CHD9: variants seen among roughly 807,000 people sequenced by gnomAD.
The protein encoded by CHD9 is ATP-dependent chromatin remodeler CHD9.
Under a neutral mutation model 316.1 loss-of-function variants are expected in CHD9, and 77 were observed. The ratio of observed to expected loss-of-function variants is 0.24; its 90% CI spans 0.20 to 0.29. The LOEUF (loss-of-function observed/expected upper bound fraction) is 0.29. Ranked by LOEUF, CHD9 falls within the 10% of genes least tolerant of loss-of-function variation. The pLI is 1.00. For missense variants in CHD9, 2,763 were observed against 3,438.1 expected (o/e 0.80, Z 4.91); for synonymous variants, 1,129 against 1,158.3 (o/e 0.97, Z 0.51).
intron 2 of CHD9, among the ~76,000 whole-genome samples, chr16:53,166,701 G>A (rs954563703): frequency 1.3e-5 from 2 of 152,130 alleles, no homozygotes; most frequent in Middle Eastern, 3.2e-3. Context: ...ATACAATATG[G>A]TGTGGATATA....
At chr16:53,234,824 AC>A (rs2048486143) in intron 10 of CHD9, among the ~76,000 whole-genome samples, 1 of 150,826 alleles carries the variant, frequency 6.6e-6, no homozygotes, top group South Asian at 2.1e-4. Context: ...AAAAAAAAAA[AC>A]AAAACCTACT....
In CHD9 at chr16:53,125,370, C is replaced by T. The variant is rs928500083; in HGVS notation, c.-164-30556C>T. Among the ~76,000 whole-genome samples the T allele has an allele frequency of 5.9e-5, 9 of 151,896 alleles. No homozygotes were observed. In the East Asian group the frequency reaches 9.7e-4, roughly 16 times the overall value. ...TCCCGAGTAGCTGGGATTATAGGCACGTGCCAACATGCCTGGCTATTTTTT... is the reference window on the plus strand; with the variant it reads ...TCCCGAGTAGCTGGGATTATAGGCATGTGCCAACATGCCTGGCTATTTTTT... On this transcript the variant is annotated intron_variant, in intron 1 of 38. Transcript: ENST00000447540.
chr16:53,096,156 C>G (rs1334445891), intron 1 of CHD9, among the ~76,000 whole-genome samples: 1 of 151,434 alleles, frequency 6.6e-6, no homozygotes, highest in Non-Finnish European at 1.5e-5. Context: ...TTCCTGGGCT[C>G]AAGCGATCCT....
At chr16:53,061,532 C>T (rs764769109) in intron 1 of CHD9, among the ~76,000 whole-genome samples, 1 of 151,932 alleles carries the variant, frequency 6.6e-6, no homozygotes, top group Non-Finnish European at 1.5e-5. Context: ...TGAAATTAAC[C>T]GAGAAAGGGA....
At chr16:53,171,861 G>C (rs62048026) in intron 2 of CHD9, among the ~76,000 whole-genome samples, 5,096 of 123,768 alleles carry the variant, frequency 0.041, 124 homozygotes, top group Admixed American at 0.082. Context: ...CACACACACA[G>C]ACACACACAC....
chr16:53,113,094 G>A (rs1357372316), intron 1 of CHD9, among the ~76,000 whole-genome samples: 4 of 152,110 alleles, frequency 2.6e-5, no homozygotes, highest in African/African-American at 9.7e-5. Context: ...TGAGGCATGA[G>A]GATCACTTGA....
At chr16:53,236,969 C>A (rs977011803) in intron 11 of CHD9, among the ~76,000 whole-genome samples, 3 of 151,938 alleles carry the variant, frequency 2.0e-5, no homozygotes, top group Non-Finnish European at 4.4e-5. Flanking sequence ...ACTCCCCGTG[C>A]CTTCACGGGG....
rs142695628 is a variant in CHD9, at chr16:53,143,655, A to C, written c.-164-12271A>C. ...GCCCACCTTGGCCTCCCAAAGTGCT[A>C]GGATTACAGGCATGAGCTACCACGC... On this transcript the variant is annotated intron_variant, in intron 1 of 38. Coordinates refer to ENST00000447540, the MANE Select transcript of CHD9 (RefSeq NM_001308319.2). Among the ~76,000 whole-genome samples the C allele has an allele frequency of 3.9e-3, 597 of 152,136 alleles. 4 individuals are homozygous for C. The highest frequency in any genetic ancestry group is 6.1e-3 in the Non-Finnish European group (414 of 67,964).
intron 2 of CHD9, among the ~76,000 whole-genome samples, chr16:53,185,410 G>C (rs897542373): frequency 1.3e-5 from 2 of 152,154 alleles, no homozygotes; most frequent in South Asian, 4.1e-4. Context: ...ACTTGAGAGA[G>C]ATGATTTAGG....
intron 33 of CHD9, 64 bp downstream of exon 33, chr16:53,308,017 C>A: frequency 7.2e-7 from 1 of 1,385,702 alleles, no homozygotes; most frequent in Non-Finnish European, 9.7e-7. Context: ...GCTTTTCCTG[C>A]AAATGGCTGC....
intron 24 of CHD9, among the ~76,000 whole-genome samples, chr16:53,276,755 T>TCA (rs2052874614): frequency 6.6e-6 from 1 of 152,092 alleles, no homozygotes; most frequent in Non-Finnish European, 1.5e-5. Context: ...TTAATATCAG[T>TCA]CACTTAACAA....
At chr16:53,150,703 A>C (rs1173406482) in intron 1 of CHD9, among the ~76,000 whole-genome samples, 1 of 152,154 alleles carries the variant, frequency 6.6e-6, no homozygotes, top group African/African-American at 2.4e-5. Flanking sequence ...ATTTATCTGC[A>C]TGGGTCTTAA....
chr16:53,244,435 C>T (rs1189309210), intron 13 of CHD9, among the ~76,000 whole-genome samples: 1 of 152,130 alleles, frequency 6.6e-6, no homozygotes, highest in East Asian at 1.9e-4. Context: ...TCGTGATCTG[C>T]CTGCCTCGGC....
Position 53,324,450 on chromosome 16 carries a change from C to G in CHD9, c.8249C>G (p.Ser2750Ter), listed in dbSNP as rs1259062676. Reference protein sequence around the residue: ...EDKKGSDSKESEGKTERTESQ... With the variant: ...EDKKGSDSKE ...AAAAAGGGAAGTGACTCTAAGGAGT[C>G]AGAAGGAAAAACAGAAAGGACAGAG... The change falls in exon 39 of 39, where the codon TCA becomes TGA. Residue 2750 changes from serine (S) to a stop codon, truncating the protein, a stop_gained. Transcript: ENST00000447540. LOFTEE classifies it high-confidence loss of function. 1 of 1,613,946 alleles carries G rather than the reference C, an allele frequency of 6.2e-7. No individual in the cohort carries two copies. Among genetic ancestry groups the G allele is most frequent in the Non-Finnish European group, 8.5e-7 (1 of 1,179,878 alleles).
At chr16:53,284,715 TG>T (rs1276492674) in intron 24 of CHD9, among the ~76,000 whole-genome samples, 3 of 152,326 alleles carry the variant, frequency 2.0e-5, no homozygotes, top group East Asian at 3.9e-4. Flanking sequence ...AGTAATCTAT[TG>T]TGATTTTATG....
In CHD9 at chr16:53,306,293, A is replaced by G. The variant is rs781501328; in HGVS notation, c.6676A>G (p.Thr2226Ala). 3.7e-6 allele frequency: 6 copies of G among 1,610,428 alleles called. No homozygotes were observed. Among genetic ancestry groups the G allele is most frequent in the African/African-American group, 1.3e-5 (1 of 74,790 alleles). ...DEESVASLST[T>A]QDETQDSFQM... ...AGAAAGCGTCGCGTCACTGAGCACT[A>G]CCCAGGATGAGACTCAGGATAGTTT... Residue 2226 changes from threonine to alanine, a missense_variant, in exon 32 of 39, where the codon ACC becomes GCC. Physicochemically the swap from Thr to Ala is moderately conservative, Grantham distance 58. Transcript: ENST00000447540.
intron 2 of CHD9, among the ~76,000 whole-genome samples, chr16:53,196,306 T>G (rs549677387): frequency 8.5e-5 from 13 of 152,304 alleles, no homozygotes; most frequent in South Asian, 8.3e-4. Context: ...TGTTGCTCTT[T>G]TGTAACCAAA....
intron 1 of CHD9, among the ~76,000 whole-genome samples, chr16:53,090,151 T>C (rs2152551431): frequency 6.6e-6 from 1 of 152,030 alleles, no homozygotes; most frequent in Non-Finnish European, 1.5e-5. Context: ...AAAACCGGAG[T>C]CCCTCCTCTG....
chr16:53,317,466 T>G (rs559955001), intron 36 of CHD9, among the ~76,000 whole-genome samples: 146 of 152,252 alleles, frequency 9.6e-4, no homozygotes, highest in Non-Finnish European at 1.5e-3. Flanking sequence ...GTTTTTATTT[T>G]TATTGCTAGA....
Sources: gnomAD v4.1 joint callset for allele counts (sites outside exome capture counted in the v4.1 genomes callset) on GRCh38, gnomAD v4.1.1 for gene constraint, MANE v1.5 for transcripts, NCBI Gene and HGNC (gene_info 2026-07-23, HGNC 2026-07-21) for gene names.